Variants in RAB40C observed in about 807,000 individuals in gnomAD.
RAB40C encodes the protein ras-related protein Rab-40C.
Under a neutral mutation model 28.1 loss-of-function variants are expected in RAB40C, and 8 were observed. That is an observed-to-expected ratio of 0.28 (90% CI 0.17 to 0.51). RAB40C has a LOEUF of 0.51. Among genes scored for constraint, RAB40C ranks in the 20% least tolerant of loss-of-function variants. The pLI is 0.97. For synonymous variants in RAB40C, 201 were observed against 171.7 expected (o/e 1.17, Z -1.34); for missense variants, 288 against 405.9 (o/e 0.71, Z 2.50).
At chr16:602,113 TCAAAA>T (rs913087934) in intron 1 of RAB40C, among the ~76,000 whole-genome samples, 1 of 152,092 alleles carries the variant, frequency 6.6e-6, no homozygotes, top group Non-Finnish European at 1.5e-5. Context: ...GCAACAGCTC[TCAAAA>T]CAAAACAAAA....
chr16:626,818 G>T (rs981670499), intron 5 of RAB40C, among the ~76,000 whole-genome samples: 1 of 152,216 alleles, frequency 6.6e-6, no homozygotes, highest in African/African-American at 2.4e-5. Context: ...CACACCTGTA[G>T]TCCCAGCTAT....
chr16:595,597 T>C (rs1291401028), intron 1 of RAB40C, among the ~76,000 whole-genome samples: 2 of 150,638 alleles, frequency 1.3e-5, no homozygotes, highest in East Asian at 1.9e-4. Context: ...TTATAACTTT[T>C]TTCTTCTTTT....
intron 1 of RAB40C, among the ~76,000 whole-genome samples, chr16:596,093 A>C (rs2036117829): frequency 6.6e-6 from 1 of 152,242 alleles, no homozygotes; most frequent in Non-Finnish European, 1.5e-5. Context: ...AACAGGGCAA[A>C]TGCTTGCATG....
chr16:597,759 G>T (rs1223836076), intron 1 of RAB40C, among the ~76,000 whole-genome samples: 1 of 151,516 alleles, frequency 6.6e-6, no homozygotes, highest in Non-Finnish European at 1.5e-5. Context: ...AAAGTTGGTG[G>T]AATTACAGGC....
chr16:605,587 T>G (rs2036344103), intron 1 of RAB40C, among the ~76,000 whole-genome samples: 2 of 152,206 alleles, frequency 1.3e-5, no homozygotes, highest in African/African-American at 4.8e-5. Context: ...CTGCCTTCTT[T>G]CCATGTCTTC....
At chr16:608,294 C>T (rs916760963) in intron 1 of RAB40C, among the ~76,000 whole-genome samples, 2 of 152,188 alleles carry the variant, frequency 1.3e-5, no homozygotes, top group Non-Finnish European at 2.9e-5. Context: ...AGGGGGGAAC[C>T]ACCCCCATGA....
At chr16:624,889 TA>T in intron 3 of RAB40C, 1 of 1,262,804 alleles carries the variant, frequency 7.9e-7, no homozygotes, top group Non-Finnish European at 1.0e-6. Flanking sequence ...GAGCTCCAAG[TA>T]ATTGGTCTCT....
intron 1 of RAB40C, among the ~76,000 whole-genome samples, chr16:598,645 G>A (rs1242636016): frequency 1.9e-4 from 29 of 152,080 alleles, no homozygotes; most frequent in Admixed American, 1.7e-3. Flanking sequence ...GGGAGGCTGA[G>A]GTGGGAAACT....
At chr16:613,187 G>A (rs1483249302) in intron 1 of RAB40C, among the ~76,000 whole-genome samples, 3 of 139,846 alleles carry the variant, frequency 2.1e-5, no homozygotes, top group Admixed American at 7.2e-5. Flanking sequence ...AGGGACAGCC[G>A]CCCTCACCTG....
chr16:627,828 T>C lies in RAB40C; in HGVS notation c.*206T>C, dbSNP rs1275645345. 3 of 524,890 alleles carry C rather than the reference T, an allele frequency of 5.7e-6. No individual in the cohort carries two copies. The highest frequency in any genetic ancestry group is 2.0e-5 in the African/African-American group (1 of 51,264). The allele number at this position is 524,890 out of a possible 1,614,324, so 32.5% of individuals were successfully genotyped here. A position where few individuals can be genotyped will look rare whatever the true frequency, so the allele number is the denominator to read the frequency against. On this transcript the variant is annotated 3_prime_UTR_variant, in exon 6 of 6. Transcript: ENST00000248139. ...GCGGGAGGAGGGGGCGCGGCTGGGC[T>C]GCTGGTGCTTCCGGGAATCTTGGTC...
chr16:615,399 G>A (rs2036566757), intron 1 of RAB40C, among the ~76,000 whole-genome samples: 1 of 152,180 alleles, frequency 6.6e-6, no homozygotes, highest in African/African-American at 2.4e-5. Flanking sequence ...CTGGGCAGGT[G>A]CACTCCGTGG....
chr16:597,765 C>G (rs370761277), intron 1 of RAB40C, among the ~76,000 whole-genome samples: 1 of 151,664 alleles, frequency 6.6e-6, no homozygotes, highest in Non-Finnish European at 1.5e-5. Flanking sequence ...GGTGGAATTA[C>G]AGGCATGAGC....
chr16:607,192 T>C (rs1353390007), intron 1 of RAB40C, among the ~76,000 whole-genome samples: 1 of 152,198 alleles, frequency 6.6e-6, no homozygotes, highest in Non-Finnish European at 1.5e-5. Flanking sequence ...ACCAGCACGT[T>C]GATGACTGTT....
Position 625,494 on chromosome 16 carries a change from C to T in RAB40C, c.327C>T (p.Ile109=), listed in dbSNP as rs760615654. The part of the protein sequence containing the change: ...RWSFDGIDRW[I]KEIDEHAPGV... The stretch of plus-strand genomic sequence containing the variant: ...CCTTTGACGGCATCGACCGCTGGAT[C>T]AAGGAGATCGATGAGGTAGGCCTGG... Residue 109 remains isoleucine (I), a synonymous_variant, in exon 4 of 6, where the codon ATC becomes ATT. Transcript: ENST00000248139. 6.2e-7 allele frequency: 1 copy of T among 1,613,492 alleles called. No individual in the cohort carries two copies. Among genetic ancestry groups the T allele is most frequent in the African/African-American group, 1.3e-5 (1 of 75,064 alleles).
chr16:624,099 C>T, intron 3 of RAB40C: 1 of 985,358 alleles, frequency 1.0e-6, no homozygotes, highest in East Asian at 1.1e-4. Context: ...TCCCCTGAGG[C>T]TGGACATTTA....
intron 4 of RAB40C, 145 bp downstream of exon 4, chr16:625,654 C>A: frequency 1.1e-6 from 1 of 937,924 alleles, no homozygotes; most frequent in Non-Finnish European, 1.6e-6. Flanking sequence ...TACGCCTGGG[C>A]ATGCTGGTCA....
chr16:617,097 T>G lies in RAB40C; in HGVS notation c.143-111T>G, dbSNP rs1261858991. The G allele has an allele frequency of 4.4e-6, 5 of 1,136,580 alleles. No individual in the cohort carries two copies. The Admixed American group carries it at 8.8e-5, about 20-fold the overall frequency. The allele number at this position is 1,136,580 out of a possible 1,614,324, so 70.4% of individuals were successfully genotyped here. The stretch of plus-strand genomic sequence containing the variant: ...ACTGGCTGAGTGTGGGGGAGCTGCT[T>G]CTCCACTTCCGCGTGGGTCTTGGCC... On this transcript the variant is annotated intron_variant, in intron 1 of 5. Transcript: ENST00000248139.
In RAB40C at chr16:610,735, AC is replaced by A. The variant is rs1567189447; in HGVS notation, c.143-6469del. 6.7e-6 allele frequency among the ~76,000 whole-genome samples: 1 copy of A among 149,710 alleles called. No individual in the cohort carries two copies. The highest frequency in any genetic ancestry group is 2.5e-5 in the African/African-American group (1 of 40,464). On this transcript the variant is annotated intron_variant, in intron 1 of 5. Transcript: ENST00000248139. The surrounding 1 kb of genome is among the most constrained non-coding windows in gnomAD (Gnocchi z 4.6). ...TGTGCCTCCAGGAGCTCCTCCCTCT[AC>A]CCCGCCCTGCCCCACCCCGTCACCT...
At chr16:603,443 C>T (rs949509243) in intron 1 of RAB40C, among the ~76,000 whole-genome samples, 12 of 152,146 alleles carry the variant, frequency 7.9e-5, no homozygotes, top group Middle Eastern at 3.4e-3. Flanking sequence ...TGCGGAGCGC[C>T]GGCCCCGCAC....
Sources: gnomAD v4.1 joint callset for allele counts (sites outside exome capture counted in the v4.1 genomes callset) on GRCh38, gnomAD v4.1.1 for gene constraint, Gnocchi (gnomAD v3.1) non-coding constraint, MANE v1.5 for transcripts, NCBI Gene and HGNC (gene_info 2026-07-23, HGNC 2026-07-21) for gene names.